Variants in MYT1L observed in about 807,000 individuals in gnomAD.
MYT1L encodes myelin transcription factor 1-like protein.
In MYT1L, 12 loss-of-function variants were observed where a neutral mutation model predicts 126.7. The observed-to-expected ratio is 0.09, with a 90% CI of 0.06 to 0.15. The LOEUF is 0.15. Among genes scored for constraint, MYT1L ranks in the 10% least tolerant of loss-of-function variants. The pLI, the probability that MYT1L is intolerant of heterozygous loss-of-function variation, is 1.00. For missense variants in MYT1L, 979 were observed against 1,585.2 expected, an observed-to-expected ratio of 0.62 and a Z score of 6.49; for synonymous variants, 541 against 604.2, an observed-to-expected ratio of 0.90 and a Z score of 1.53.
chr2:2,004,404 T>C, intron 4 of MYT1L, among the ~76,000 whole-genome samples: 1 of 150,772 alleles, frequency 6.6e-6, no homozygotes. Context: ...CCTGCATGCG[T>C]TCTTTCCTGC....
chr2:1,807,976 A>T (rs2035980381), intron 22 of MYT1L, among the ~76,000 whole-genome samples: 1 of 151,934 alleles, frequency 6.6e-6, no homozygotes, highest in Non-Finnish European at 1.5e-5. Context: ...TTCTCATGAG[A>T]TCTGGAGGTT....
rs182877002 is a variant in MYT1L, at chr2:2,040,959, A to T, written c.-158+13019T>A. ...GAAAGCAGAAAAATAGGAACACTCA[A>T]ATAAGGCAAAAAGAGAAACAGGACA... On this transcript the variant is annotated intron_variant, in intron 4 of 24. Transcript: ENST00000647738. Among the ~76,000 whole-genome samples, 422 of 152,316 alleles carry T rather than the reference A, an allele frequency of 2.8e-3. 5 individuals carry two copies. Among genetic ancestry groups the T allele is most frequent in the African/African-American group, 9.9e-3 (411 of 41,552 alleles).
intron 18 of MYT1L, among the ~76,000 whole-genome samples, chr2:1,882,431 C>A (rs1023581264): frequency 6.6e-6 from 1 of 152,072 alleles, no homozygotes; most frequent in Non-Finnish European, 1.5e-5. Flanking sequence ...GCTACAGGAG[C>A]AAGCTTCGAA....
Position 2,059,220 on chromosome 2 carries a change from A to G in MYT1L, c.-303-5097T>C, listed in dbSNP as rs182547362. Among the ~76,000 whole-genome samples, 212 of 152,340 alleles carry G rather than the reference A, an allele frequency of 1.4e-3. 1 individual carries two copies. The highest frequency in any genetic ancestry group is 5.0e-3 in the African/African-American group (206 of 41,568). The stretch of plus-strand genomic sequence containing the variant: ...TGAGTGGGCCTGCAGTGGCCATAGC[A>G]TCCCAGCTTCTTACTCTGGGTGAGG... On this transcript the variant is annotated intron_variant, in intron 3 of 24. Transcript: ENST00000647738. The surrounding 1 kb of genome is among the most constrained non-coding windows in gnomAD (Gnocchi z 4.7).
intron 18 of MYT1L, among the ~76,000 whole-genome samples, chr2:1,871,438 G>A (rs763200923): frequency 3.0e-4 from 46 of 152,352 alleles, no homozygotes; most frequent in Admixed American, 1.2e-3. Context: ...CCCTGCAGCC[G>A]CAGTCCTCTG....
At chr2:2,095,123 G>C (rs2077309086) in intron 3 of MYT1L, among the ~76,000 whole-genome samples, 1 of 152,234 alleles carries the variant, frequency 6.6e-6, no homozygotes, top group Non-Finnish European at 1.5e-5. Flanking sequence ...CAAAAACAGA[G>C]ACCAAGAAGT....
intron 1 of MYT1L, among the ~76,000 whole-genome samples, chr2:2,289,187 A>G (rs1364758142): frequency 6.6e-6 from 1 of 152,228 alleles, no homozygotes; most frequent in African/African-American, 2.4e-5. Context: ...AGAAAATCCC[A>G]GTAGGTGGCC....
chr2:1,992,184 G>A (rs1371174508), intron 5 of MYT1L, among the ~76,000 whole-genome samples: 3 of 152,192 alleles, frequency 2.0e-5, no homozygotes, highest in African/African-American at 7.2e-5. Context: ...AAGAGCTTGT[G>A]AGGTGGGGCC....
intron 3 of MYT1L, among the ~76,000 whole-genome samples, chr2:2,080,678 A>T (rs917915663): frequency 6.6e-6 from 1 of 152,194 alleles, no homozygotes; most frequent in African/African-American, 2.4e-5. Flanking sequence ...AGGAAAAGAA[A>T]AGAAAAGAAG....
intron 2 of MYT1L, among the ~76,000 whole-genome samples, chr2:2,236,464 C>T (rs1240998249): frequency 2.7e-5 from 4 of 149,698 alleles, no homozygotes; most frequent in Non-Finnish European, 4.4e-5. Flanking sequence ...CAACCCAACC[C>T]AGTACATCCC....
At chr2:1,924,755 T>C (rs2054008819) in intron 9 of MYT1L, among the ~76,000 whole-genome samples, 2 of 152,208 alleles carry the variant, frequency 1.3e-5, no homozygotes, top group African/African-American at 4.8e-5. Context: ...ATAATTCCTA[T>C]AAATCATCTT....
At chr2:2,244,706 G>A (rs1016551426) in intron 2 of MYT1L, among the ~76,000 whole-genome samples, 1 of 152,186 alleles carries the variant, frequency 6.6e-6, no homozygotes, top group African/African-American at 2.4e-5. Flanking sequence ...AATGGTGGCA[G>A]AAACACAGAC....
intron 1 of MYT1L, among the ~76,000 whole-genome samples, chr2:2,289,278 C>CT (rs1433313346): frequency 3.3e-5 from 5 of 152,142 alleles, no homozygotes; most frequent in Admixed American, 3.3e-4. Context: ...GGCCAAAAAG[C>CT]TTTCTTTAAA....
At chr2:2,038,049 G>A (rs1051151701) in intron 4 of MYT1L, among the ~76,000 whole-genome samples, 19 of 152,132 alleles carry the variant, frequency 1.2e-4, no homozygotes, top group African/African-American at 3.6e-4. Flanking sequence ...GGTGAACTTT[G>A]CATTCCATGC....
chr2:2,122,923 A>C (rs1298839644), intron 3 of MYT1L, among the ~76,000 whole-genome samples: 1 of 151,710 alleles, frequency 6.6e-6, no homozygotes, highest in Non-Finnish European at 1.5e-5. Context: ...CTGGATCCAC[A>C]CAGGGATTTC....
At chr2:2,301,495 A>G (rs1481981637) in intron 1 of MYT1L, among the ~76,000 whole-genome samples, 3 of 152,094 alleles carry the variant, frequency 2.0e-5, no homozygotes, top group Non-Finnish European at 2.9e-5. Flanking sequence ...AAATGGAAGG[A>G]TTGGTCAATA....
intron 2 of MYT1L, among the ~76,000 whole-genome samples, chr2:2,210,306 C>T (rs1352888942): frequency 1.1e-4 from 16 of 152,174 alleles, no homozygotes; most frequent in Non-Finnish European, 1.5e-5. Flanking sequence ...GGGTATTACT[C>T]AAGAAACTTT....
intron 1 of MYT1L, among the ~76,000 whole-genome samples, chr2:2,312,115 G>A (rs1376678613): frequency 6.6e-6 from 1 of 152,150 alleles, no homozygotes; most frequent in African/African-American, 2.4e-5. Flanking sequence ...GGGGACTTGT[G>A]GAAAGGAGAA....
intron 3 of MYT1L, among the ~76,000 whole-genome samples, chr2:2,090,369 A>G (rs187124905): frequency 6.6e-6 from 1 of 152,332 alleles, no homozygotes; most frequent in East Asian, 1.9e-4. Flanking sequence ...CATATAAATG[A>G]TATGTTTACA....
Sources: allele counts gnomAD v4.1 joint callset (sites outside exome capture counted in the v4.1 genomes callset), GRCh38; gene constraint gnomAD v4.1.1; non-coding constraint Gnocchi (gnomAD v3.1); transcripts MANE v1.5; gene names NCBI Gene and HGNC (gene_info 2026-07-23, HGNC 2026-07-21).